The following KHDRBS3 variants were observed in gnomAD, a reference collection of about 807,000 sequenced individuals.
KHDRBS3 encodes the protein KH RNA binding domain containing, signal transduction associated 3.
Under a neutral mutation model 45.6 loss-of-function variants are expected in KHDRBS3, and 23 were observed. That is an observed-to-expected ratio of 0.50 (90% CI 0.36 to 0.72). The LOEUF (loss-of-function observed/expected upper bound fraction) is 0.72, where lower values mean the gene tolerates loss of function less well. Ranked by LOEUF, KHDRBS3 falls within the 30% of genes least tolerant of loss-of-function variation. The pLI is 0.00. For synonymous variants in KHDRBS3, 162 were observed against 156.5 expected (o/e 1.04, Z -0.26); for missense variants, 352 against 424.8 (o/e 0.83, Z 1.51).
chr8:135,623,229 CTT>C (rs1400651994), intron 7 of KHDRBS3, among the ~76,000 whole-genome samples: 147 of 152,302 alleles, frequency 9.7e-4, no homozygotes, highest in Non-Finnish European at 1.8e-3. Flanking sequence ...GATCTGTTCT[CTT>C]GTGTGTCTTC....
In KHDRBS3 at chr8:135,521,368, G is replaced by C. The variant is rs530028367; in HGVS notation, c.207+13G>C. On this transcript the variant is annotated intron_variant, in intron 2 of 8. Transcript: ENST00000355849. ...ACAGTTCCCTAAGGTAAGACAGTGA[G>C]GTCTACACTGCAGGTATTTTAACCT... The C allele has an allele frequency of 1.1e-5, 15 of 1,364,772 alleles. No individual in the cohort carries two copies. The highest frequency in any genetic ancestry group is 1.5e-5 in the Non-Finnish European group (14 of 956,248). The allele number at this position is 1,364,772 out of a possible 1,614,324, so 84.5% of individuals were successfully genotyped here.
At chr8:135,506,945 TA>T (rs1323498163) in intron 1 of KHDRBS3, among the ~76,000 whole-genome samples, 1 of 152,188 alleles carries the variant, frequency 6.6e-6, no homozygotes, top group Non-Finnish European at 1.5e-5. Flanking sequence ...CATTTTCGTT[TA>T]TTTCAGCTGG....
At chr8:135,481,628 T>C (rs1822584322) in intron 1 of KHDRBS3, among the ~76,000 whole-genome samples, 1 of 152,194 alleles carries the variant, frequency 6.6e-6, no homozygotes, top group African/African-American at 2.4e-5. Context: ...ATAATTTCTT[T>C]AGGAGAGCTT....
chr8:135,583,991 T>C (rs1563785856), intron 6 of KHDRBS3, among the ~76,000 whole-genome samples: 1 of 152,200 alleles, frequency 6.6e-6, no homozygotes, highest in Non-Finnish European at 1.5e-5. Flanking sequence ...AATTGAGAAG[T>C]ATTCTGTAGG....
intron 2 of KHDRBS3, among the ~76,000 whole-genome samples, chr8:135,535,690 A>G (rs1464706705): frequency 6.6e-6 from 1 of 152,154 alleles, no homozygotes; most frequent in African/African-American, 2.4e-5. Flanking sequence ...TTCTTTTTAA[A>G]TACCAGAAGG....
intron 6 of KHDRBS3, among the ~76,000 whole-genome samples, chr8:135,589,601 C>A (rs1043159151): frequency 2.6e-5 from 4 of 152,182 alleles, no homozygotes; most frequent in African/African-American, 7.2e-5. Flanking sequence ...GATCATGGAG[C>A]CTTCTGGACC....
At chr8:135,458,031 C>A in intron 1 of KHDRBS3, 77 bp downstream of exon 1, 1 of 1,476,892 alleles carries the variant, frequency 6.8e-7, no homozygotes, top group Non-Finnish European at 9.0e-7. Flanking sequence ...GGGGGCCCCT[C>A]CGTGCCCTCT....
At position 135,623,631 on chromosome 8, in the gene KHDRBS3, A is replaced by G. The variant is rs567168505; in HGVS notation, c.890+16594A>G. Among the ~76,000 whole-genome samples the G allele has an allele frequency of 3.9e-5, 6 of 152,018 alleles. No individual in the cohort carries two copies. The East Asian group carries it at 1.2e-3, about 29-fold the overall frequency. ...TGAGAAACTGTTTAAAGTAGAAAAA[A>G]CCCTGTCAAGAAAGACCAGGTGGAA... is the stretch of plus-strand genomic sequence containing the variant. On this transcript the variant is annotated intron_variant, in intron 7 of 8. Transcript: ENST00000355849.
chr8:135,458,136 C>T lies in KHDRBS3; in HGVS notation c.88+182C>T, dbSNP rs75798190. On this transcript the variant is annotated intron_variant, in intron 1 of 8. Transcript: ENST00000355849. ...GGCTGTGGGACACCTAGGGGAAGAC[C>T]CTGATGTGAATTTTGGGGACTTGGA... is the stretch of plus-strand genomic sequence containing the variant. 2,409 of 1,364,180 alleles carry T rather than the reference C, an allele frequency of 1.8e-3. 5 individuals are homozygous for T. Among genetic ancestry groups the T allele is most frequent in the Non-Finnish European group, 2.1e-3 (2,211 of 1,060,656 alleles). The allele number at this position is 1,364,180 out of a possible 1,614,324, so 84.5% of individuals were successfully genotyped here.
intron 4 of KHDRBS3, 141 bp downstream of exon 4, chr8:135,549,041 C>G: frequency 2.2e-6 from 1 of 458,950 alleles, no homozygotes; most frequent in East Asian, 3.5e-5. Context: ...GTAGACCTTA[C>G]ATTGTCCTTG....
In KHDRBS3 at chr8:135,552,575, T is replaced by C. The variant is rs1265921931; in HGVS notation, c.471+3675T>C. On this transcript the variant is annotated intron_variant, in intron 4 of 8. Transcript: ENST00000355849. ...TTAATTTTTTGTTGAAAAGTCTGTA[T>C]TTTCGATAACATAGCAAACCTGTAA... is the stretch of plus-strand genomic sequence containing the variant. Among the ~76,000 whole-genome samples the C allele has an allele frequency of 1.2e-4, 18 of 152,270 alleles. No individual in the cohort carries two copies. The East Asian group carries it at 3.1e-3, about 26-fold the overall frequency.
chr8:135,527,718 A>G (rs1825265402), intron 2 of KHDRBS3, among the ~76,000 whole-genome samples: 1 of 152,226 alleles, frequency 6.6e-6, no homozygotes, highest in African/African-American at 2.4e-5. Flanking sequence ...TTATATCTCT[A>G]TGTATAATGC....
intron 7 of KHDRBS3, among the ~76,000 whole-genome samples, chr8:135,631,576 T>C (rs945320795): frequency 6.6e-6 from 1 of 152,192 alleles, no homozygotes; most frequent in African/African-American, 2.4e-5. Context: ...GGAAGATCTT[T>C]AGGGACAGTA....
intron 7 of KHDRBS3, among the ~76,000 whole-genome samples, chr8:135,630,413 A>T (rs142711737): frequency 6.6e-6 from 1 of 152,310 alleles, no homozygotes; most frequent in Non-Finnish European, 1.5e-5. Flanking sequence ...TTCTTAATTT[A>T]CCAAACCTAC....
At chr8:135,623,105 T>C (rs974095378) in intron 7 of KHDRBS3, among the ~76,000 whole-genome samples, 4 of 152,232 alleles carry the variant, frequency 2.6e-5, no homozygotes, top group African/African-American at 9.6e-5. Context: ...ATATGTAGTT[T>C]CAATACTTCA....
intron 7 of KHDRBS3, among the ~76,000 whole-genome samples, chr8:135,632,072 G>T (rs576476728): frequency 6.6e-6 from 1 of 152,250 alleles, no homozygotes; most frequent in Non-Finnish European, 1.5e-5. Context: ...ATACACATGC[G>T]CACACACTTC....
chr8:135,608,651 T>C (rs1043003479), intron 7 of KHDRBS3, among the ~76,000 whole-genome samples: 2 of 152,346 alleles, frequency 1.3e-5, no homozygotes, highest in African/African-American at 4.8e-5. Flanking sequence ...TTAGTTCTGT[T>C]CCCGTATCTG....
chr8:135,631,741 A>G (rs1830614001), intron 7 of KHDRBS3, among the ~76,000 whole-genome samples: 1 of 152,210 alleles, frequency 6.6e-6, no homozygotes, highest in Non-Finnish European at 1.5e-5. Flanking sequence ...TTTCCTTTTT[A>G]ATAAGTAGAA....
chr8:135,613,061 G>A (rs889397198), intron 7 of KHDRBS3, among the ~76,000 whole-genome samples: 9 of 151,794 alleles, frequency 5.9e-5, no homozygotes, highest in African/African-American at 1.7e-4. Flanking sequence ...AAGCAAGACA[G>A]CAAGACAGTC....
Sources: gnomAD v4.1 joint callset for allele counts (sites outside exome capture counted in the v4.1 genomes callset) on GRCh38, gnomAD v4.1.1 for gene constraint, MANE v1.5 for transcripts, NCBI Gene and HGNC (gene_info 2026-07-23, HGNC 2026-07-21) for gene names.